DNAH2: variants seen among roughly 807,000 people sequenced by gnomAD.
The protein encoded by DNAH2 is axonemal beta dynein heavy chain 2.
A neutral mutation model predicts 523.5 loss-of-function variants in DNAH2; 323 were observed. The ratio of observed to expected loss-of-function variants is 0.62; its 90% CI spans 0.56 to 0.68. The LOEUF is 0.68. Ranked by LOEUF, DNAH2 falls within the 30% of genes least tolerant of loss-of-function variation. DNAH2 has a pLI of 0.00. For missense variants in DNAH2, 4,907 were observed against 5,701.5 expected, an observed-to-expected ratio of 0.86 and a Z score of 4.49; for synonymous variants, 2,093 against 2,177.4, an observed-to-expected ratio of 0.96 and a Z score of 1.08.
At chr17:7,761,312 G>C (rs913044739) in intron 18 of DNAH2, among the ~76,000 whole-genome samples, 1 of 152,120 alleles carries the variant, frequency 6.6e-6, no homozygotes, top group East Asian at 1.9e-4. Context: ...TCATTGCCTA[G>C]GCTGGAGTGC....
chr17:7,727,085 G>T, intron 3 of DNAH2, 37 bp from the exon 4 acceptor site: 5 of 1,500,790 alleles, frequency 3.3e-6, no homozygotes, highest in Non-Finnish European at 4.4e-6. Flanking sequence ...CATCCTGGCA[G>T]TTGTAGTTAC....
chr17:7,732,011 A>G (rs1435254767), intron 4 of DNAH2, among the ~76,000 whole-genome samples: 1 of 145,518 alleles, frequency 6.9e-6, no homozygotes, highest in Admixed American at 7.0e-5. Context: ...CCTGGGCAAC[A>G]ACAGCGAAAC....
At position 7,764,217 on chromosome 17, in the gene DNAH2, C is replaced by T. The variant is rs2076088691; in HGVS notation, c.3280C>T (p.Pro1094Ser). 1 of 1,613,846 alleles carries T rather than the reference C, an allele frequency of 6.2e-7. No homozygotes were observed. Among genetic ancestry groups the T allele is most frequent in the South Asian group, 1.1e-5 (1 of 91,050 alleles). ...DLANVETQIP[P>S]IHEQFAILEK... ...GGCCAACGTGGAGACTCAGATCCCT[C>T]CCATACACGAGCAATTTGCCATTCT... is the stretch of plus-strand genomic sequence containing the variant. The change falls in exon 20 of 86, where the codon CCC (proline) becomes TCC (serine). Residue 1094 changes from proline to serine, a missense_variant. Coordinates refer to ENST00000572933, the MANE Select transcript of DNAH2 (RefSeq NM_020877.5).
chr17:7,776,741 G>A, intron 31 of DNAH2, 38 bp from the exon 32 acceptor site: 1 of 1,560,872 alleles, frequency 6.4e-7, no homozygotes. Context: ...GTGTAGCCAA[G>A]GACAGGGCTT....
chr17:7,775,746 GAGA>G (rs2076434229), intron 30 of DNAH2, among the ~76,000 whole-genome samples: 1 of 149,274 alleles, frequency 6.7e-6, no homozygotes, highest in Admixed American at 6.6e-5. Flanking sequence ...TCCATGAGGA[GAGA>G]AGACCTCTTT....
At position 7,818,643 on chromosome 17, in the gene DNAH2, G is replaced by A. The variant is rs201583811; in HGVS notation, c.10537G>A (p.Gly3513Ser). Residue 3513 changes from glycine to serine, a missense_variant and splice_region_variant, in exon 70 of 86, where the codon GGC becomes AGC. Transcript: ENST00000572933. ...TIVNFAVKEQ[G>S]LEAQLLGIVV... ...TCACTGTGAGTCCTGATGCCCCCAG[G>A]GCCTGGAGGCCCAGCTGCTGGGCAT... 2 of 1,613,898 alleles carry A rather than the reference G, an allele frequency of 1.2e-6. No homozygotes were observed. Among genetic ancestry groups the A allele is most frequent in the East Asian group, 4.5e-5 (2 of 44,878 alleles).
In DNAH2 at chr17:7,734,176, T is replaced by G; in HGVS notation, c.629-7T>G. 6.3e-7 allele frequency: 1 copy of G among 1,579,374 alleles called. No individual in the cohort carries two copies. Among genetic ancestry groups the G allele is most frequent in the Non-Finnish European group, 8.6e-7 (1 of 1,161,628 alleles). ...CTGTCCACTTCCACAAACTTTCCTT[T>G]CCTTAGACACTCGGTACAAACTGGA... is the stretch of plus-strand genomic sequence containing the variant. On this transcript the variant is annotated splice_polypyrimidine_tract_variant and splice_region_variant and intron_variant, in intron 5 of 85. Coordinates refer to ENST00000572933, the MANE Select transcript of DNAH2 (RefSeq NM_020877.5).
intron 11 of DNAH2, 105 bp from the exon 12 acceptor site, chr17:7,742,823 T>G: frequency 1.5e-6 from 1 of 683,060 alleles, no homozygotes; most frequent in Non-Finnish European, 2.2e-6. Flanking sequence ...TTATGCATAT[T>G]GTTGGGGTAT....
At chr17:7,728,816 C>T (rs1408681589) in intron 4 of DNAH2, among the ~76,000 whole-genome samples, 2 of 152,076 alleles carry the variant, frequency 1.3e-5, no homozygotes, top group Non-Finnish European at 2.9e-5. Flanking sequence ...GCAACCCCAT[C>T]TCTACAAAAA....
chr17:7,766,530 G>A (rs760510350), intron 22 of DNAH2, 49 bp downstream of exon 22: 5 of 1,582,064 alleles, frequency 3.2e-6, no homozygotes, highest in Non-Finnish European at 4.3e-6. Flanking sequence ...AAGGGGCAGG[G>A]ACAGGAGAAT....
rs761330294 is a variant in DNAH2, at chr17:7,817,561, A to C, written c.10021A>C (p.Ile3341Leu). 2 of 1,613,978 alleles carry C rather than the reference A, an allele frequency of 1.2e-6. No homozygotes were observed. The highest frequency in any genetic ancestry group is 2.2e-5 in the South Asian group (2 of 91,086). ...AAGCATGGGGCTTTTCTCTCCCCAG[A>C]TCTGGGAGCTTCAGGTTCCTTGCTC... Reference protein sequence around the residue: ...EIVNQIWIGKIWELQVPCSPS... With the variant: ...EIVNQIWIGKLWELQVPCSPS... The change falls in exon 66 of 86, where the codon ATC becomes CTC. Residue 3341 changes from isoleucine to leucine, a missense_variant and splice_region_variant. Physicochemically the swap from Ile to Leu is conservative, Grantham distance 5. Transcript: ENST00000572933.
Position 7,770,562 on chromosome 17 carries a change from A to C in DNAH2, c.4104A>C (p.Leu1368Phe). ...ATKELAIEVA[L>F]QNIAKTWDVT... Reference sequence around the variant, plus strand: ...CCCCCAATTTCTCTCCACAGGCTTTACAAAACATTGCCAAGACCTGGGATG... The same window carrying C: ...CCCCCAATTTCTCTCCACAGGCTTTCCAAAACATTGCCAAGACCTGGGATG... Residue 1368 changes from leucine to phenylalanine, a missense_variant, in exon 26 of 86, where the codon TTA becomes TTC. This residue lies in a region of DNAH2 where 2,806 missense variants were observed against 3,190.8 expected (regional missense o/e 0.88). Transcript: ENST00000572933. The C allele has an allele frequency of 6.2e-7, 1 of 1,614,116 alleles. No individual in the cohort carries two copies. Among genetic ancestry groups the C allele is most frequent in the Non-Finnish European group, 8.5e-7 (1 of 1,180,014 alleles).
rs760506275 is a variant in DNAH2, at chr17:7,781,146, G to A, written c.6108G>A (p.Leu2036=). 5.6e-6 allele frequency: 9 copies of A among 1,614,184 alleles called. No individual in the cohort carries two copies. The Admixed American group carries it at 1.5e-4, about 27-fold the overall frequency. ...IVQDLFPNIE[L]PVIDYGKLRE... is the part of the protein sequence containing the mutation. ...AAGATCTGTTTCCCAACATTGAGCT[G>A]CCTGTCATTGACTATGGCAAGGTAT... Residue 2036 remains leucine (L), a synonymous_variant, in exon 39 of 86, where the codon CTG becomes CTA. Coordinates refer to ENST00000572933, the MANE Select transcript of DNAH2 (RefSeq NM_020877.5).
intron 79 of DNAH2, 80 bp downstream of exon 79, chr17:7,830,922 T>C: frequency 3.2e-6 from 5 of 1,577,836 alleles, no homozygotes; most frequent in East Asian, 4.5e-5. Context: ...GGGGTAATGT[T>C]TGAGGAGAGG....
In DNAH2 at chr17:7,794,346, G is replaced by A. The variant is rs1285268346; in HGVS notation, c.7662G>A (p.Met2554Ile). 1.9e-6 allele frequency: 3 copies of A among 1,607,030 alleles called. No homozygotes were observed. The highest frequency in any genetic ancestry group is 2.7e-5 in the African/African-American group (2 of 74,642). The change falls in exon 49 of 86, where the codon ATG (methionine) becomes ATA (isoleucine). Residue 2554 changes from methionine to isoleucine, a missense_variant. Coordinates refer to ENST00000572933, the MANE Select transcript of DNAH2 (RefSeq NM_020877.5). ...RLRSRFNIIN[M>I]TFPTKSQIIR... ...GGAGTCGCTTCAACATTATCAACAT[G>A]ACCTTCCCCACAGTGAGGACCTCAT...
intron 49 of DNAH2, 119 bp from the exon 50 acceptor site, chr17:7,796,345 G>A (rs1597691459): frequency 6.0e-6 from 7 of 1,162,588 alleles, no homozygotes; most frequent in East Asian, 5.3e-5. Context: ...CACCGTGCCC[G>A]GCCCTAGGAT....
At chr17:7,787,691 A>T in intron 42 of DNAH2, 169 bp from the exon 43 acceptor site, 1 of 834,564 alleles carries the variant, frequency 1.2e-6, no homozygotes, top group Non-Finnish European at 1.7e-6. Flanking sequence ...AGCCAAGATC[A>T]CGCCACTGCA....
intron 4 of DNAH2, among the ~76,000 whole-genome samples, chr17:7,732,648 A>T (rs2075023367): frequency 6.6e-6 from 1 of 152,196 alleles, no homozygotes; most frequent in African/African-American, 2.4e-5. Context: ...GCATATGTGT[A>T]AAATTTTGGG....
At chr17:7,810,291 G>A (rs1008053428) in intron 63 of DNAH2, among the ~76,000 whole-genome samples, 3 of 151,668 alleles carry the variant, frequency 2.0e-5, no homozygotes, top group South Asian at 2.1e-4. Flanking sequence ...TCTTGAACTC[G>A]TGGGCTCAAG....
Sources: allele counts gnomAD v4.1 joint callset (sites outside exome capture counted in the v4.1 genomes callset), GRCh38; gene constraint gnomAD v4.1.1; regional missense constraint gnomAD v4.1.1; transcripts MANE v1.5; gene names NCBI Gene and HGNC (gene_info 2026-07-23, HGNC 2026-07-21).